Variants in FMNL3 observed in about 807,000 individuals in gnomAD.
FMNL3 encodes formin like 3.
FMNL3 carries 57 observed loss-of-function variants against 119.6 expected under a neutral mutation model. That is an observed-to-expected ratio of 0.48 (90% CI 0.39 to 0.59). The LOEUF is 0.59. FMNL3 is among the 20% of genes least tolerant of loss of function. The pLI is 0.00. For synonymous variants in FMNL3, 491 were observed against 507.3 expected, an observed-to-expected ratio of 0.97 and a Z score of 0.43; for missense variants, 1,053 against 1,323.5, an observed-to-expected ratio of 0.80 and a Z score of 3.17.
intron 5 of FMNL3, among the ~76,000 whole-genome samples, chr12:49,661,370 C>T (rs79207162): frequency 6.6e-6 from 1 of 152,142 alleles, no homozygotes; most frequent in Non-Finnish European, 1.5e-5. Flanking sequence ...AAACCCAAAC[C>T]CAGCTTTGTC....
chr12:49,671,766 A>C (rs1001765582), intron 1 of FMNL3, among the ~76,000 whole-genome samples: 1 of 152,158 alleles, frequency 6.6e-6, no homozygotes, highest in African/African-American at 2.4e-5. Context: ...TTTTTTCTTC[A>C]GTGGTTCCAC....
At chr12:49,646,050 G>A in intron 25 of FMNL3, 147 bp from the exon 26 acceptor site, 1 of 650,976 alleles carries the variant, frequency 1.5e-6, no homozygotes, top group East Asian at 3.0e-5. Context: ...GGGGTACCCA[G>A]TTGGGGAAAT....
intron 1 of FMNL3, among the ~76,000 whole-genome samples, chr12:49,687,155 G>A (rs1025712905): frequency 5.4e-5 from 8 of 149,470 alleles, no homozygotes; most frequent in East Asian, 3.9e-4. Flanking sequence ...GTGCAGTGGC[G>A]CGATCTCGGC....
intron 6 of FMNL3, among the ~76,000 whole-genome samples, chr12:49,657,858 A>G (rs1008041235): frequency 6.6e-6 from 1 of 152,212 alleles, no homozygotes; most frequent in Non-Finnish European, 1.5e-5. Flanking sequence ...AAAGCCTCCC[A>G]GAGTAGGAAG....
chr12:49,674,861 A>C (rs1247983242), intron 1 of FMNL3, among the ~76,000 whole-genome samples: 2 of 152,242 alleles, frequency 1.3e-5, no homozygotes, highest in Non-Finnish European at 2.9e-5. Context: ...GAAGAAAAAG[A>C]AATGGATTCA....
intron 1 of FMNL3, among the ~76,000 whole-genome samples, chr12:49,677,068 CAGAG>C (rs1295997597): frequency 2.0e-5 from 3 of 152,168 alleles, no homozygotes; most frequent in South Asian, 2.1e-4. Context: ...CATTGTACCC[CAGAG>C]AGATTACCTC....
At position 49,639,914 on chromosome 12, in the gene FMNL3, A is replaced by ATTTATCTT. The variant is rs1424160461; in HGVS notation, c.*5900_*5901insAAGATAAA. Reference sequence around the variant, plus strand: ...AAACAGAATAATCGTATAAAGTAGAAATGCCTTATCCTGGGATAGCTAAAT... The same window carrying ATTTATCTT: ...AAACAGAATAATCGTATAAAGTAGAATTTATCTTATGCCTTATCCTGGGATAGCTAAAT... On this transcript the variant is annotated 3_prime_UTR_variant, in exon 26 of 26. Coordinates refer to ENST00000335154, the MANE Select transcript of FMNL3 (RefSeq NM_175736.5). 30 of 152,364 alleles carry ATTTATCTT rather than the reference A, an allele frequency of 2.0e-4. No homozygotes were observed. Among genetic ancestry groups the ATTTATCTT allele is most frequent in the Non-Finnish European group, 3.2e-4 (22 of 68,040 alleles). The allele number at this position is 152,364 out of a possible 1,614,324, so 9.4% of individuals were successfully genotyped here. A position where few individuals can be genotyped will look rare whatever the true frequency, so the allele number is the denominator to read the frequency against.
At position 49,653,886 on chromosome 12, in the gene FMNL3, G is replaced by A. The variant is rs1943485025; in HGVS notation, c.1072-12C>T. On this transcript the variant is annotated splice_polypyrimidine_tract_variant and intron_variant, in intron 11 of 25. Transcript: ENST00000335154. ...GTGTGCCTTGACTTCTGGGGGAAGA[G>A]CAGAGAGTAGGAGTAGTTGTAGGAG... 1 of 1,613,880 alleles carries A rather than the reference G, an allele frequency of 6.2e-7. No individual in the cohort carries two copies. Among genetic ancestry groups the A allele is most frequent in the South Asian group, 1.1e-5 (1 of 91,072 alleles).
In FMNL3 at chr12:49,649,232, T is replaced by C. The variant is rs774976306; in HGVS notation, c.2385+27A>G. ...CACAACTGCTGCCCCCCAGGCTTCCTGGCCCACGCTGCCCTCACCATCTTA... is the reference window on the plus strand; with the variant it reads ...CACAACTGCTGCCCCCCAGGCTTCCCGGCCCACGCTGCCCTCACCATCTTA... On this transcript the variant is annotated intron_variant, in intron 20 of 25. Transcript: ENST00000335154. The surrounding 1 kb of genome is among the most constrained non-coding windows in gnomAD (Gnocchi z 5.6). 2 of 1,613,992 alleles carry C rather than the reference T, an allele frequency of 1.2e-6. No individual in the cohort carries two copies. Among genetic ancestry groups the C allele is most frequent in the Admixed American group, 3.3e-5 (2 of 60,016 alleles).
Position 49,649,299 on chromosome 12 carries a change from C to T in FMNL3, c.2345G>A (p.Arg782Gln), listed in dbSNP as rs750403610. ...ALGNYMNSSK[R>Q]GAVYGFKLQS... ...GAGCTTGAAGCCATACACAGCTCCC[C>T]GCTTGCTGCTGTTCATGTAGTTCCC... The change falls in exon 20 of 26, where the codon CGG becomes CAG. Residue 782 changes from arginine (R) to glutamine (Q), a missense_variant. Arg to Gln is a conservative substitution (Grantham distance 43). Coordinates refer to ENST00000335154, the MANE Select transcript of FMNL3 (RefSeq NM_175736.5). The surrounding 1 kb of genome is among the most constrained non-coding windows in gnomAD (Gnocchi z 5.6). 9.9e-6 allele frequency: 16 copies of T among 1,614,184 alleles called. No homozygotes were observed. Among genetic ancestry groups the T allele is most frequent in the South Asian group, 6.6e-5 (6 of 91,080 alleles).
chr12:49,658,519 C>G lies in FMNL3; in HGVS notation c.528G>C (p.Glu176Asp), dbSNP rs766542308. ...DKLRSWSRSI[E>D]DLQPPSALSA... The stretch of plus-strand genomic sequence containing the variant: ...ACAGGGCGCTGGGTGGCTGCAGGTC[C>G]TCGATTGACCTGCTCCAGGACCGGA... Residue 176 changes from glutamate (E) to aspartate (D), a missense_variant, in exon 6 of 26, where the codon GAG (glutamate) becomes GAC (aspartate). Transcript: ENST00000335154. 1.7e-5 allele frequency: 27 copies of G among 1,613,518 alleles called. No individual in the cohort carries two copies. Among genetic ancestry groups the G allele is most frequent in the Non-Finnish European group, 2.3e-5 (27 of 1,179,724 alleles).
At chr12:49,653,446 G>T in intron 12 of FMNL3, 119 bp from the exon 13 acceptor site, 1 of 1,047,970 alleles carries the variant, frequency 9.5e-7, no homozygotes, top group Non-Finnish European at 1.5e-6. Context: ...AGGCAGCTTA[G>T]TCAGGTGGTT....
At chr12:49,668,750 C>T (rs1212761424) in intron 1 of FMNL3, among the ~76,000 whole-genome samples, 196 bp from the exon 2 acceptor site, 1 of 152,112 alleles carries the variant, frequency 6.6e-6, no homozygotes, top group African/African-American at 2.4e-5. Flanking sequence ...GTTTTCCAAA[C>T]CACTGGTAGT....
Position 49,649,591 on chromosome 12 carries a change from CAG to C in FMNL3, c.2236-55_2236-54del. ...ACCCCAGGCTGAGATGGGGTAAAGA[CAG>C]GGAGGGGTCAGAAGGACTGGAAGGG... On this transcript the variant is annotated intron_variant, in intron 18 of 25. Transcript: ENST00000335154. This position sits in a 1 kb window ranked among gnomAD's most constrained non-coding sequence, Gnocchi z 5.6. 2 of 1,612,992 alleles carry C rather than the reference CAG, an allele frequency of 1.2e-6. No homozygotes were observed. Among genetic ancestry groups the C allele is most frequent in the Non-Finnish European group, 1.7e-6 (2 of 1,179,072 alleles).
Position 49,707,174 on chromosome 12 carries a change from T to G in FMNL3, c.7A>C (p.Asn3His), listed in dbSNP as rs1285569287. The change falls in exon 1 of 26, where the codon AAC becomes CAC. Residue 3 changes from asparagine to histidine, a missense_variant. Coordinates refer to ENST00000335154, the MANE Select transcript of FMNL3 (RefSeq NM_175736.5). MG[N>H]LESAEGVPGE... ...GGGACCCCCTCGGCGCTCTCCAGGT[T>G]GCCCATCGCGGCGGGGCCCCCTCAG... The G allele has an allele frequency of 6.4e-7, 1 of 1,560,226 alleles. No individual in the cohort carries two copies. Among genetic ancestry groups the G allele is most frequent in the Non-Finnish European group, 8.6e-7 (1 of 1,157,306 alleles).
At chr12:49,654,040 G>C (rs1217593759) in intron 11 of FMNL3, 152 bp downstream of exon 11, 9 of 1,146,084 alleles carry the variant, frequency 7.9e-6, no homozygotes, top group Non-Finnish European at 1.1e-5. Context: ...TGACTGGGGA[G>C]TTAGCTGCAG....
rs766256014 is a variant in FMNL3, at chr12:49,707,100, C to G, written c.81G>C (p.Pro27=). 6.2e-7 allele frequency: 1 copy of G among 1,601,702 alleles called. No homozygotes were observed. The highest frequency in any genetic ancestry group is 8.5e-7 in the Non-Finnish European group (1 of 1,175,274). The change falls in exon 1 of 26, where the codon CCG becomes CCC. Residue 27 remains proline (P), a synonymous_variant. Transcript: ENST00000335154. The part of the protein sequence containing the change: ...VPLLLPPGKM[P]MPEPCELEER... ...CCTCCAGCTCACAGGGCTCAGGCAT[C>G]GGCATCTTGCCGGGCGGCAGCAACA...
intron 1 of FMNL3, among the ~76,000 whole-genome samples, chr12:49,678,642 T>C (rs1944258517): frequency 1.3e-5 from 2 of 152,260 alleles, no homozygotes; most frequent in East Asian, 1.9e-4. Flanking sequence ...TTTGTATTTT[T>C]AGTAGAGACA....
intron 1 of FMNL3, among the ~76,000 whole-genome samples, chr12:49,685,526 G>C (rs931269991): frequency 2.6e-5 from 4 of 152,084 alleles, no homozygotes; most frequent in African/African-American, 9.7e-5. Flanking sequence ...TAAAGGGCAG[G>C]CCAACAAAAG....
Sources: allele counts gnomAD v4.1 joint callset (sites outside exome capture counted in the v4.1 genomes callset), GRCh38; gene constraint gnomAD v4.1.1; non-coding constraint Gnocchi (gnomAD v3.1); transcripts MANE v1.5; gene names NCBI Gene and HGNC (gene_info 2026-07-23, HGNC 2026-07-21).